NME6: variants seen among roughly 807,000 people sequenced by gnomAD.
The protein encoded by NME6 is nucleoside diphosphate kinase 6, mitochondrial.
In NME6, 16 loss-of-function variants were observed where a neutral mutation model predicts 22.2. The observed-to-expected ratio is 0.72, with a 90% CI of 0.49 to 1.09. The LOEUF is 1.09. Ranked by LOEUF, NME6 falls within the 50% of genes least tolerant of loss-of-function variation. The pLI, the probability that NME6 is intolerant of heterozygous loss-of-function variation, is 0.00. For synonymous variants in NME6, 58 were observed against 85.2 expected (o/e 0.68, Z 1.76); for missense variants, 229 against 239.0 (o/e 0.96, Z 0.28).
chr3:48,296,834 A>G lies in NME6; in HGVS notation c.91-5T>C. ...TAGAATCTGCTGATGAACAGCCTGA[A>G]TAAAGACCATCCCCAAAATAAAAAT... On this transcript the variant is annotated splice_polypyrimidine_tract_variant and splice_region_variant and intron_variant, in intron 2 of 5. Transcript: ENST00000442597. The G allele has an allele frequency of 6.2e-7, 1 of 1,602,386 alleles. No homozygotes were observed.
In NME6 at chr3:48,294,294, G is replaced by A. The variant is rs759403588; in HGVS notation, c.*343C>T. 1.6e-5 allele frequency: 3 copies of A among 192,596 alleles called. No homozygotes were observed. The highest frequency in any genetic ancestry group is 4.6e-5 in the African/African-American group (2 of 43,826). The allele number at this position is 192,596 out of a possible 1,614,324, so 11.9% of individuals were successfully genotyped here. A position where few individuals can be genotyped will look rare whatever the true frequency, so the allele number is the denominator to read the frequency against. ...TCACCATGTTGGTCAGGCTGGTCTC[G>A]AATTCCTGACCTTGTGATCCGCCTG... On this transcript the variant is annotated 3_prime_UTR_variant, in exon 6 of 6. Transcript: ENST00000442597.
intron 1 of NME6, among the ~76,000 whole-genome samples, chr3:48,299,630 A>G (rs2035490693): frequency 6.6e-6 from 1 of 152,168 alleles, no homozygotes; most frequent in Admixed American, 6.5e-5. Context: ...TTGTCGACAA[A>G]TACAGAGAAG....
chr3:48,288,564 G>C (rs2034279858), downstream of NME6: 1 of 152,120 alleles, frequency 6.6e-6, no homozygotes, highest in African/African-American at 2.4e-5. Context: ...CAGAAAGCCA[G>C]ATTTTAAACA....
At position 48,295,077 on chromosome 3, in the gene NME6, G is replaced by A. The variant is rs762450869; in HGVS notation, c.392C>T (p.Ser131Leu). Residue 131 changes from serine to leucine, a missense_variant and splice_region_variant, in exon 5 of 6, where the codon TCG becomes TTG. Coordinates refer to ENST00000442597, the MANE Select transcript of NME6 (RefSeq NM_001308426.2). Reference sequence around the variant, plus strand: ...ATGGCTATGGACAGGGGACTCACCCGAACCATGGGTGGTGTTGCGGGTGTC... The same window carrying A: ...ATGGCTATGGACAGGGGACTCACCCAAACCATGGGTGGTGTTGCGGGTGTC... Reference protein sequence around the residue: ...LTDTRNTTHGSDSVVSASREI... With the variant: ...LTDTRNTTHGLDSVVSASREI... 63 of 1,613,760 alleles carry A rather than the reference G, an allele frequency of 3.9e-5. No homozygotes were observed. Among genetic ancestry groups the A allele is most frequent in the South Asian group, 1.4e-4 (13 of 91,072 alleles).
downstream of NME6, among the ~76,000 whole-genome samples, chr3:48,288,894 T>C (rs139447954): frequency 6.6e-6 from 1 of 152,144 alleles, no homozygotes; most frequent in Non-Finnish European, 1.5e-5. Context: ...TAGGGGGACC[T>C]CATGGGTAAA....
At chr3:48,295,841 G>A (rs1206632049) in intron 4 of NME6, 12 of 479,306 alleles carry the variant, frequency 2.5e-5, no homozygotes, top group Non-Finnish European at 3.8e-5. Flanking sequence ...TCAGCCTCCC[G>A]AGTAGCTGGG....
At chr3:48,298,568 C>A in intron 1 of NME6, 45 bp from the exon 2 acceptor site, 3 of 1,414,784 alleles carry the variant, frequency 2.1e-6, no homozygotes, top group Non-Finnish European at 2.9e-6. Flanking sequence ...GACGGCACTC[C>A]CAGCCTTCCC....
At position 48,298,412 on chromosome 3, in the gene NME6, A is replaced by G; in HGVS notation, c.90+15T>C. 1 of 1,609,980 alleles carries G rather than the reference A, an allele frequency of 6.2e-7. No homozygotes were observed. Among genetic ancestry groups the G allele is most frequent in the Non-Finnish European group, 8.5e-7 (1 of 1,176,218 alleles). ...TTCCCAGGGCATGCGGTAGAGACTT[A>G]GGATTCATTCTTACCTCCAGAATCA... On this transcript the variant is annotated intron_variant, in intron 2 of 5. Coordinates refer to ENST00000442597, the MANE Select transcript of NME6 (RefSeq NM_001308426.2).
At chr3:48,291,028 A>C (rs1462949319), downstream of NME6, 2 of 292,044 alleles carry the variant, frequency 6.8e-6, no homozygotes, top group Non-Finnish European at 1.3e-5. Context: ...GCAATCCTTT[A>C]AGCCACTTGA....
At chr3:48,292,252 A>T (rs1248916327), downstream of NME6, 1 of 152,238 alleles carries the variant, frequency 6.6e-6, no homozygotes, top group Admixed American at 6.5e-5. Flanking sequence ...GCAAAGGACT[A>T]TACATACAAA....
chr3:48,301,141 G>A (rs2035655081), intron 1 of NME6: 1 of 885,612 alleles, frequency 1.1e-6, no homozygotes, highest in Admixed American at 3.0e-5. Context: ...CCCAGCCCTG[G>A]TCCACCCACG....
rs1001575934 is a variant in NME6 at position 48,293,666 on chromosome 3, T to C, written c.*971A>G. 2 of 152,248 alleles carry C rather than the reference T, an allele frequency of 1.3e-5. No homozygotes were observed. The highest frequency in any genetic ancestry group is 1.5e-5 in the Non-Finnish European group (1 of 68,054). 9.4% of individuals were successfully genotyped at this position (152,248 alleles called of 1,614,324 possible). A position where few individuals can be genotyped will look rare whatever the true frequency, so the allele number is the denominator to read the frequency against. On this transcript the variant is annotated 3_prime_UTR_variant, in exon 6 of 6. Transcript: ENST00000442597. ...TCCTCTGTTCTCCCACAGGACTTTA[T>C]ACCTCTGTTAGGGCACTTCTCCATC...
chr3:48,297,200 G>C (rs1418944398), intron 2 of NME6, among the ~76,000 whole-genome samples: 2 of 152,168 alleles, frequency 1.3e-5, no homozygotes, highest in African/African-American at 4.8e-5. Flanking sequence ...CTGGTCAGAA[G>C]GTGTTAAGTA....
chr3:48,292,191 G>C (rs530589584), downstream of NME6: 1 of 152,398 alleles, frequency 6.6e-6, no homozygotes, highest in Middle Eastern at 3.4e-3. Context: ...TGGTGGACCT[G>C]GGTGCTGGGT....
At chr3:48,290,737 T>G (rs929736886), downstream of NME6, 2 of 157,438 alleles carry the variant, frequency 1.3e-5, no homozygotes, top group African/African-American at 4.8e-5. Context: ...CCATGTTTAA[T>G]GAACTGGCAA....
At chr3:48,296,463 G>T (rs987580594) in intron 3 of NME6, among the ~76,000 whole-genome samples, 3 of 152,132 alleles carry the variant, frequency 2.0e-5, no homozygotes, top group Non-Finnish European at 1.5e-5. Context: ...ATGTCTGATG[G>T]TAAACATTCA....
chr3:48,295,059 T>G lies in NME6; in HGVS notation c.394+16A>C. The G allele has an allele frequency of 6.2e-7, 1 of 1,612,136 alleles. No individual in the cohort carries two copies. The highest frequency in any genetic ancestry group is 8.5e-7 in the Non-Finnish European group (1 of 1,178,734). On this transcript the variant is annotated intron_variant, in intron 5 of 5. Transcript: ENST00000442597. ...CTAACCCCAAAATATCCTATGGCTA[T>G]GGACAGGGGACTCACCCGAACCATG...
chr3:48,301,186 A>C, intron 1 of NME6, 167 bp downstream of exon 1: 1 of 1,366,650 alleles, frequency 7.3e-7, no homozygotes. Context: ...CCCCGTGGCC[A>C]CGCCCTCCAG....
intron 1 of NME6, 88 bp from the exon 2 acceptor site, chr3:48,298,611 G>A (rs1228617829): frequency 2.2e-5 from 19 of 867,486 alleles, no homozygotes; most frequent in Admixed American, 2.9e-5. Flanking sequence ...GCAAGCCAAC[G>A]AGTGCTCTCA....
Sources: gnomAD v4.1 joint callset for allele counts (sites outside exome capture counted in the v4.1 genomes callset) on GRCh38, gnomAD v4.1.1 for gene constraint, MANE v1.5 for transcripts, NCBI Gene and HGNC (gene_info 2026-07-23, HGNC 2026-07-21) for gene names.